The following ANKRD28 variants were observed in gnomAD, a reference collection of about 807,000 sequenced individuals.
ANKRD28 encodes the protein serine/threonine-protein phosphatase 6 regulatory ankyrin repeat subunit A.
Under a neutral mutation model 126.5 loss-of-function variants are expected in ANKRD28, and 44 were observed. That is an observed-to-expected ratio of 0.35 (90% CI 0.27 to 0.45). ANKRD28 has a LOEUF of 0.45. Ranked by LOEUF, ANKRD28 falls within the 20% of genes least tolerant of loss-of-function variation. The pLI is 1.00. For missense variants in ANKRD28, 1,110 were observed against 1,316.6 expected, an observed-to-expected ratio of 0.84 and a Z score of 2.43; for synonymous variants, 442 against 468.5, an observed-to-expected ratio of 0.94 and a Z score of 0.73.
chr3:15,720,932 C>A lies in ANKRD28; in HGVS notation c.979G>T (p.Ala327Ser). Reference protein sequence around the residue: ...LCLELLVGNGADVNMKSKDGK... With the variant: ...LCLELLVGNGSDVNMKSKDGK... ...TTCCTTACCTTCATATTGACATCGGCCCCATTGCCAACTAGAAGCTCTAAA... is the reference window on the plus strand; with the variant it reads ...TTCCTTACCTTCATATTGACATCGGACCCATTGCCAACTAGAAGCTCTAAA... The change falls in exon 8 of 28, where the codon GCC (alanine) becomes TCC (serine). Residue 327 changes from alanine (A) to serine (S), a missense_variant. Ala to Ser is a moderately conservative substitution (Grantham distance 99). Transcript: ENST00000683139. 1 of 1,613,508 alleles carries A rather than the reference C, an allele frequency of 6.2e-7. No individual in the cohort carries two copies. The highest frequency in any genetic ancestry group is 1.7e-4 in the Middle Eastern group (1 of 6,060).
intron 1 of ANKRD28, among the ~76,000 whole-genome samples, chr3:15,809,916 C>T (rs1001546939): frequency 3.3e-5 from 5 of 152,148 alleles, no homozygotes; most frequent in Non-Finnish European, 5.9e-5. Flanking sequence ...CATGCCACTA[C>T]ATGCAGCTAT....
intron 4 of ANKRD28, among the ~76,000 whole-genome samples, chr3:15,748,203 G>C (rs2057610462): frequency 6.6e-6 from 1 of 152,134 alleles, no homozygotes; most frequent in African/African-American, 2.4e-5. Flanking sequence ...TGTTAGTATT[G>C]AGATGTGAGG....
intron 1 of ANKRD28, among the ~76,000 whole-genome samples, chr3:15,810,701 CTT>C (rs61658995): frequency 0.14 from 20,134 of 143,398 alleles, 2,021 homozygotes; most frequent in East Asian, 0.56. Flanking sequence ...TTGTTCTCTC[CTT>C]TTTTTTTTTT....
At chr3:15,730,287 T>C (rs2074487146) in intron 6 of ANKRD28, among the ~76,000 whole-genome samples, 1 of 152,166 alleles carries the variant, frequency 6.6e-6, no homozygotes, top group Non-Finnish European at 1.5e-5. Context: ...AAAGGGACCT[T>C]GACAAAGGTT....
intron 2 of ANKRD28, among the ~76,000 whole-genome samples, chr3:15,775,558 T>A (rs1359661878): frequency 1.3e-5 from 2 of 152,230 alleles, no homozygotes; most frequent in African/African-American, 4.8e-5. Flanking sequence ...ACCAACTGGC[T>A]ATAAATTGAG....
At chr3:15,771,424 A>AG (rs386396014) in intron 2 of ANKRD28, among the ~76,000 whole-genome samples, 6 of 150,308 alleles carry the variant, frequency 4.0e-5, no homozygotes, top group Admixed American at 1.3e-4. Flanking sequence ...AAAAAAAAAA[A>AG]AGGCATGGCA....
intron 2 of ANKRD28, among the ~76,000 whole-genome samples, chr3:15,771,907 A>C (rs2059031362): frequency 6.6e-6 from 1 of 152,246 alleles, no homozygotes; most frequent in Non-Finnish European, 1.5e-5. Context: ...GACAATTTGA[A>C]AATTGCCAAG....
chr3:15,803,562 A>C (rs1394135218), intron 1 of ANKRD28, among the ~76,000 whole-genome samples: 4 of 151,352 alleles, frequency 2.6e-5, no homozygotes, highest in African/African-American at 9.7e-5. Flanking sequence ...GGCTGTAATG[A>C]GCTGAGATCA....
chr3:15,726,630 G>A (rs1414092674), intron 6 of ANKRD28, among the ~76,000 whole-genome samples: 1 of 152,246 alleles, frequency 6.6e-6, no homozygotes. Context: ...AGCAGCAAGT[G>A]CTGATGTATT....
intron 4 of ANKRD28, among the ~76,000 whole-genome samples, chr3:15,741,697 CTTTTTTTTTTTTTTTTTTT>C (rs58655271): frequency 1.0e-3 from 34 of 33,664 alleles, no homozygotes; most frequent in East Asian, 1.4e-3. Context: ...TGGTTCTATC[CTTTTTTTTTTTTTTTTTTT>C]TTTTTTTTTT....
intron 2 of ANKRD28, chr3:15,781,736 T>A (rs1268202319): frequency 2.0e-5 from 3 of 152,162 alleles, no homozygotes; most frequent in African/African-American, 7.2e-5. Context: ...GTCAGCTGCT[T>A]CAATCAATAA....
intron 1 of ANKRD28, among the ~76,000 whole-genome samples, chr3:15,850,871 G>A (rs1234751980): frequency 6.6e-6 from 1 of 152,208 alleles, no homozygotes; most frequent in East Asian, 1.9e-4. Context: ...AGAAGCCCAA[G>A]TAAAACAACT....
At chr3:15,856,486 C>T (rs1305037095) in intron 1 of ANKRD28, among the ~76,000 whole-genome samples, 1 of 152,130 alleles carries the variant, frequency 6.6e-6, no homozygotes, top group African/African-American at 2.4e-5. Context: ...AACTGTAACA[C>T]TGATATCTGT....
At chr3:15,835,118 A>G (rs1193404108) in intron 1 of ANKRD28, among the ~76,000 whole-genome samples, 1 of 152,232 alleles carries the variant, frequency 6.6e-6, no homozygotes. Context: ...ACTGCACTCC[A>G]GCCTGGGCAA....
rs1243597336 is a variant in ANKRD28 at position 15,680,765 on chromosome 3, A to C, written c.2390-1202T>G. ...TCTGCAGTCTCAACCTCCTGGGCTCAAGTGATCCTCCCACCTCAGCCTCCT... is the reference window on the plus strand; with the variant it reads ...TCTGCAGTCTCAACCTCCTGGGCTCCAGTGATCCTCCCACCTCAGCCTCCT... On this transcript the variant is annotated intron_variant, in intron 21 of 27. Transcript: ENST00000683139. Among the ~76,000 whole-genome samples the C allele has an allele frequency of 6.9e-3, 1,051 of 152,228 alleles. 13 individuals carry two copies. The highest frequency in any genetic ancestry group is 0.024 in the African/African-American group (1,005 of 41,522).
intron 18 of ANKRD28, among the ~76,000 whole-genome samples, chr3:15,688,279 T>C (rs1309216090): frequency 6.6e-6 from 1 of 152,236 alleles, no homozygotes; most frequent in African/African-American, 2.4e-5. Flanking sequence ...TCCCATCCAG[T>C]GTACAAAATT....
chr3:15,784,082 T>C (rs777047745), intron 2 of ANKRD28, among the ~76,000 whole-genome samples: 3 of 151,860 alleles, frequency 2.0e-5, no homozygotes, highest in Non-Finnish European at 4.4e-5. Flanking sequence ...ACCCTGGGAA[T>C]TGCCTCAAAA....
chr3:15,687,452 T>C (rs1384235463), intron 18 of ANKRD28, among the ~76,000 whole-genome samples: 2 of 152,116 alleles, frequency 1.3e-5, no homozygotes, highest in African/African-American at 2.4e-5. Context: ...AAAAGAGCTT[T>C]TGAAGTAAGT....
intron 1 of ANKRD28, among the ~76,000 whole-genome samples, chr3:15,811,644 G>A (rs757720925): frequency 1.3e-5 from 2 of 151,816 alleles, no homozygotes; most frequent in Non-Finnish European, 2.9e-5. Context: ...TGGTAGAGAC[G>A]GGGTTTCACC....
Sources: gnomAD v4.1 joint callset for allele counts (sites outside exome capture counted in the v4.1 genomes callset) on GRCh38, gnomAD v4.1.1 for gene constraint, MANE v1.5 for transcripts, NCBI Gene and HGNC (gene_info 2026-07-23, HGNC 2026-07-21) for gene names.